The following UBTD2 variants were observed in gnomAD, a reference collection of about 807,000 sequenced individuals.
UBTD2 encodes the protein ubiquitin domain containing 2.
Under a neutral mutation model 19.8 loss-of-function variants are expected in UBTD2, and 9 were observed. The observed-to-expected ratio is 0.46, with a 90% CI of 0.27 to 0.79. The LOEUF is 0.79. Among genes scored for constraint, UBTD2 ranks in the 30% least tolerant of loss-of-function variants. The pLI, the probability that UBTD2 is intolerant of heterozygous loss-of-function variation, is 0.14. For synonymous variants in UBTD2, 98 were observed against 103.9 expected (o/e 0.94, Z 0.35); for missense variants, 250 against 300.4 (o/e 0.83, Z 1.24).
chr5:172,251,431 C>G (rs190407076), intron 1 of UBTD2, among the ~76,000 whole-genome samples: 1 of 132,956 alleles, frequency 7.5e-6, no homozygotes, highest in East Asian at 2.2e-4. Context: ...TCAATCCAAA[C>G]AACACTGCCC....
intron 1 of UBTD2, among the ~76,000 whole-genome samples, chr5:172,246,273 T>C (rs913095170): frequency 6.6e-6 from 1 of 151,068 alleles, no homozygotes; most frequent in Non-Finnish European, 1.5e-5. Flanking sequence ...AAATAAAAAA[T>C]AGAAACATTT....
At chr5:172,282,609 C>G (rs1457981151) in intron 1 of UBTD2, among the ~76,000 whole-genome samples, 2 of 152,208 alleles carry the variant, frequency 1.3e-5, no homozygotes, top group Admixed American at 6.5e-5. Context: ...TTTAAGGCAG[C>G]TAACATTAGG....
intron 2 of UBTD2, among the ~76,000 whole-genome samples, chr5:172,219,894 T>C (rs1581209394): frequency 6.6e-6 from 1 of 152,208 alleles, no homozygotes; most frequent in African/African-American, 2.4e-5. Context: ...GGTTCAGTAC[T>C]ATCCACAGTT....
chr5:172,270,188 C>G (rs926976241), intron 1 of UBTD2, among the ~76,000 whole-genome samples: 4 of 151,784 alleles, frequency 2.6e-5, no homozygotes, highest in Admixed American at 2.0e-4. Context: ...CAAACAGATC[C>G]TCCCATCTCA....
chr5:172,226,222 T>A (rs541260872), intron 2 of UBTD2, among the ~76,000 whole-genome samples: 28 of 152,266 alleles, frequency 1.8e-4, no homozygotes, highest in African/African-American at 6.7e-4. Flanking sequence ...AATGACAGAA[T>A]GAATGCAAAG....
intron 2 of UBTD2, among the ~76,000 whole-genome samples, chr5:172,218,880 A>C (rs1771600367): frequency 2.0e-5 from 3 of 151,824 alleles, no homozygotes; most frequent in African/African-American, 7.2e-5. Context: ...CCAAAAGGTC[A>C]ATAAAATTGG....
chr5:172,265,421 G>GC (rs944140062), intron 1 of UBTD2, among the ~76,000 whole-genome samples: 18 of 152,094 alleles, frequency 1.2e-4, no homozygotes, highest in African/African-American at 4.3e-4. Context: ...TGCAAGCTCC[G>GC]CCCCCTGGGT....
intron 1 of UBTD2, among the ~76,000 whole-genome samples, chr5:172,243,795 T>G (rs1772180746): frequency 6.6e-6 from 1 of 151,974 alleles, no homozygotes; most frequent in Non-Finnish European, 1.5e-5. Context: ...ACTCCAGACC[T>G]CAGGTGATCC....
At chr5:172,230,631 T>C (rs1771869952) in intron 2 of UBTD2, among the ~76,000 whole-genome samples, 2 of 152,258 alleles carry the variant, frequency 1.3e-5, no homozygotes, top group Middle Eastern at 3.4e-3. Context: ...AGTAATACGG[T>C]AGGGACAGAA....
chr5:172,255,088 A>G, intron 1 of UBTD2: 1 of 489,840 alleles, frequency 2.0e-6, no homozygotes, highest in Non-Finnish European at 4.0e-6. Context: ...GGCACGTCAA[A>G]AGGCTGCCAG....
At chr5:172,276,746 A>AAGGG (rs1755611832) in intron 1 of UBTD2, among the ~76,000 whole-genome samples, 1 of 151,706 alleles carries the variant, frequency 6.6e-6, no homozygotes, top group Non-Finnish European at 1.5e-5. Context: ...AGGGGGAGAG[A>AAGGG]AGGGAGGGAG....
chr5:172,217,566 CT>C (rs147862651), intron 2 of UBTD2, among the ~76,000 whole-genome samples: 2,327 of 152,208 alleles, frequency 0.015, 62 homozygotes, highest in African/African-American at 0.053. Flanking sequence ...TCACTGCAGC[CT>C]TGAACTCCTT....
chr5:172,225,933 C>CTTTTTT (rs57155195), intron 2 of UBTD2, among the ~76,000 whole-genome samples: 36 of 107,502 alleles, frequency 3.3e-4, no homozygotes, highest in Non-Finnish European at 3.9e-4. Context: ...GGCTTAAACT[C>CTTTTTT]TTTTTTTTTT....
chr5:172,283,774 GCTCC>G, upstream of UBTD2: 1 of 731,986 alleles, frequency 1.4e-6, no homozygotes, highest in Non-Finnish European at 1.7e-6. The surrounding 1 kb of genome is among the most constrained non-coding windows in gnomAD (Gnocchi z 4.3). Flanking sequence ...CAGGCGCGCC[GCTCC>G]GCTCGCCCGC....
chr5:172,273,076 C>T (rs1187376641), intron 1 of UBTD2, among the ~76,000 whole-genome samples: 1 of 144,902 alleles, frequency 6.9e-6, no homozygotes, highest in African/African-American at 2.6e-5. Context: ...GCCTCCGTCT[C>T]TCCGTCTCAA....
At chr5:172,226,024 G>A (rs1771756222) in intron 2 of UBTD2, among the ~76,000 whole-genome samples, 1 of 137,906 alleles carries the variant, frequency 7.3e-6, no homozygotes, top group Admixed American at 8.2e-5. Context: ...TGCAACCTCT[G>A]CCTCCTGGGC....
In UBTD2 at chr5:172,210,120, T is replaced by G. The variant is rs763594313; in HGVS notation, c.*1710A>C. 2.6e-5 allele frequency: 4 copies of G among 152,218 alleles called. No homozygotes were observed. The highest frequency in any genetic ancestry group is 4.8e-5 in the African/African-American group (2 of 41,452). The allele number at this position is 152,218 out of a possible 1,614,324, so 9.4% of individuals were successfully genotyped here. A position where few individuals can be genotyped will look rare whatever the true frequency, so the allele number is the denominator to read the frequency against. ...GCTGTGGTCTTCACTTGAATTTAGATTCAATCATCAGCAAATTTAAATTAG... is the reference window on the plus strand; with the variant it reads ...GCTGTGGTCTTCACTTGAATTTAGAGTCAATCATCAGCAAATTTAAATTAG... On this transcript the variant is annotated 3_prime_UTR_variant, in exon 3 of 3. Transcript: ENST00000393792.
chr5:172,264,070 T>G (rs1351792191), intron 1 of UBTD2, among the ~76,000 whole-genome samples: 1 of 152,114 alleles, frequency 6.6e-6, no homozygotes, highest in African/African-American at 2.4e-5. Flanking sequence ...AAATTAGTCT[T>G]TGGTATTTTA....
chr5:172,215,029 T>C (rs952439575), intron 2 of UBTD2, among the ~76,000 whole-genome samples: 2 of 152,154 alleles, frequency 1.3e-5, no homozygotes, highest in African/African-American at 2.4e-5. Flanking sequence ...CCATTTACCA[T>C]AGCAGACACC....
Sources: gnomAD v4.1 joint callset for allele counts (sites outside exome capture counted in the v4.1 genomes callset) on GRCh38, gnomAD v4.1.1 for gene constraint, Gnocchi (gnomAD v3.1) non-coding constraint, MANE v1.5 for transcripts, NCBI Gene and HGNC (gene_info 2026-07-23, HGNC 2026-07-21) for gene names.